Variants in SPATA17 observed in about 807,000 individuals in gnomAD.
SPATA17 encodes spermatogenesis-associated protein 17.
A neutral mutation model predicts 62.2 loss-of-function variants in SPATA17; 53 were observed. That is an observed-to-expected ratio of 0.85 (90% CI 0.68 to 1.07). The LOEUF (loss-of-function observed/expected upper bound fraction) is 1.07. SPATA17 is among the 50% of genes least tolerant of loss of function. The pLI, the probability that SPATA17 is intolerant of heterozygous loss-of-function variation, is 0.00. For missense variants in SPATA17, 466 were observed against 425.5 expected (o/e 1.10, Z -0.84); for synonymous variants, 146 against 146.8 (o/e 0.99, Z 0.04).
In SPATA17 at chr1:217,870,680, C is replaced by T. The variant is rs1676112367; in HGVS notation, c.*3661C>T. 6.6e-6 allele frequency: 1 copy of T among 152,138 alleles called. No individual in the cohort carries two copies. The highest frequency in any genetic ancestry group is 2.1e-4 in the South Asian group (1 of 4,828). 9.4% of individuals were successfully genotyped at this position (152,138 alleles called of 1,614,324 possible). A position where few individuals can be genotyped will look rare whatever the true frequency, so the allele number is the denominator to read the frequency against. On this transcript the variant is annotated 3_prime_UTR_variant, in exon 11 of 11. Transcript: ENST00000366933. ...CTGAATGACTACTGACCACTAAAAA[C>T]ACTAAGAGTACCACTGTGGATGTTT...
At chr1:217,668,627 C>T (rs1324072340) in intron 3 of SPATA17, among the ~76,000 whole-genome samples, 1 of 152,086 alleles carries the variant, frequency 6.6e-6, no homozygotes, top group Non-Finnish European at 1.5e-5. Context: ...TTCATTAAAC[C>T]AGACGTCTTG....
At chr1:217,632,858 A>G (rs1467692616) in intron 1 of SPATA17, among the ~76,000 whole-genome samples, 1 of 152,232 alleles carries the variant, frequency 6.6e-6, no homozygotes. Context: ...AGCCCCATCC[A>G]TCATGATGTT....
chr1:217,679,323 C>T (rs1238024355), intron 4 of SPATA17, among the ~76,000 whole-genome samples: 1 of 152,114 alleles, frequency 6.6e-6, no homozygotes, highest in Non-Finnish European at 1.5e-5. Flanking sequence ...TTATGTGACC[C>T]TGAGCAAATT....
chr1:217,759,879 T>G (rs1673130905), intron 6 of SPATA17, among the ~76,000 whole-genome samples: 2 of 152,220 alleles, frequency 1.3e-5, no homozygotes, highest in Non-Finnish European at 2.9e-5. Context: ...AGTTGCTTGA[T>G]CCAACCATCT....
intron 3 of SPATA17, among the ~76,000 whole-genome samples, chr1:217,653,310 TA>T (rs576107122): frequency 4.3e-4 from 65 of 152,180 alleles, no homozygotes; most frequent in African/African-American, 1.5e-3. Context: ...GTACTTATAA[TA>T]AATAGGAAAG....
At chr1:217,681,519 G>A (rs1056087145) in intron 4 of SPATA17, among the ~76,000 whole-genome samples, 7 of 151,794 alleles carry the variant, frequency 4.6e-5, no homozygotes, top group South Asian at 2.1e-4. Context: ...GACTACAGGC[G>A]CACACCACCA....
chr1:217,742,818 C>A (rs1360322715), intron 6 of SPATA17, among the ~76,000 whole-genome samples: 1 of 151,868 alleles, frequency 6.6e-6, no homozygotes, highest in Non-Finnish European at 1.5e-5. Context: ...TTCTCATAGA[C>A]CTTCAAGTTC....
chr1:217,709,961 C>T (rs1671819833), intron 5 of SPATA17, among the ~76,000 whole-genome samples: 1 of 152,090 alleles, frequency 6.6e-6, no homozygotes, highest in Non-Finnish European at 1.5e-5. Flanking sequence ...AGATCTAGTC[C>T]AATCCTCTAT....
intron 9 of SPATA17, among the ~76,000 whole-genome samples, chr1:217,854,379 T>C (rs1450783795): frequency 6.6e-6 from 1 of 152,126 alleles, no homozygotes; most frequent in African/African-American, 2.4e-5. Flanking sequence ...AGTAGCAGTG[T>C]TCTTATAAAG....
At chr1:217,833,618 T>C (rs539196938) in intron 9 of SPATA17, among the ~76,000 whole-genome samples, 1 of 152,298 alleles carries the variant, frequency 6.6e-6, no homozygotes, top group East Asian at 1.9e-4. Context: ...GTACTTATTT[T>C]ATATGCGGAG....
At chr1:217,815,874 A>G (rs1471418077) in intron 9 of SPATA17, among the ~76,000 whole-genome samples, 1 of 152,164 alleles carries the variant, frequency 6.6e-6, no homozygotes, top group African/African-American at 2.4e-5. Context: ...TTTAAAATAA[A>G]TTCACCCTTC....
intron 6 of SPATA17, among the ~76,000 whole-genome samples, chr1:217,745,686 A>T (rs1672731590): frequency 6.6e-6 from 1 of 152,124 alleles, no homozygotes; most frequent in Non-Finnish European, 1.5e-5. Context: ...CTGCCATCTA[A>T]TAGTACTGTG....
intron 9 of SPATA17, among the ~76,000 whole-genome samples, chr1:217,849,552 C>A (rs909232458): frequency 1.3e-5 from 2 of 152,202 alleles, no homozygotes; most frequent in African/African-American, 2.4e-5. Flanking sequence ...AAAAAAAATT[C>A]TCTAATCTCT....
At chr1:217,770,838 G>A (rs915972432) in intron 6 of SPATA17, among the ~76,000 whole-genome samples, 3 of 151,982 alleles carry the variant, frequency 2.0e-5, no homozygotes, top group African/African-American at 7.3e-5. Flanking sequence ...AATGCTAGGG[G>A]TGACTGGGTA....
At chr1:217,775,439 TCA>T (rs1241928630) in intron 7 of SPATA17, among the ~76,000 whole-genome samples, 1 of 152,178 alleles carries the variant, frequency 6.6e-6, no homozygotes, top group Non-Finnish European at 1.5e-5. Flanking sequence ...GCACAGTGGT[TCA>T]CGCCTGTAAT....
At chr1:217,751,483 A>G (rs1025813406) in intron 6 of SPATA17, among the ~76,000 whole-genome samples, 1 of 152,194 alleles carries the variant, frequency 6.6e-6, no homozygotes, top group Non-Finnish European at 1.5e-5. Context: ...TCATCACATA[A>G]TTTGTTACTA....
At chr1:217,785,195 A>G (rs1673831004) in intron 8 of SPATA17, 1 of 152,188 alleles carries the variant, frequency 6.6e-6, no homozygotes, top group South Asian at 2.1e-4. Context: ...GACACCATAC[A>G]TATTAGAGTA....
intron 9 of SPATA17, among the ~76,000 whole-genome samples, chr1:217,828,432 G>T (rs906626098): frequency 5.2e-5 from 7 of 133,504 alleles, no homozygotes; most frequent in Admixed American, 4.7e-4. Context: ...AACTTAAAAT[G>T]GATCAAAGAC....
At position 217,820,185 on chromosome 1, in the gene SPATA17, G is replaced by T. The variant is rs114504744; in HGVS notation, c.1005+18335G>T. Among the ~76,000 whole-genome samples, 1,101 of 152,154 alleles carry T rather than the reference G, an allele frequency of 7.2e-3. 9 individuals carry two copies. Among genetic ancestry groups the T allele is most frequent in the African/African-American group, 0.025 (1,044 of 41,538 alleles). On this transcript the variant is annotated intron_variant, in intron 9 of 10. Transcript: ENST00000366933. ...AAGACTGGAGATCTGGCCGGATATA[G>T]AATATGCAGGTACCCGCTAGACTAT...
Sources: allele counts gnomAD v4.1 joint callset (sites outside exome capture counted in the v4.1 genomes callset), GRCh38; gene constraint gnomAD v4.1.1; transcripts MANE v1.5; gene names NCBI Gene and HGNC (gene_info 2026-07-23, HGNC 2026-07-21).